The following UBN1 variants were observed in gnomAD, a reference collection of about 807,000 sequenced individuals.
UBN1 encodes ubinuclein 1, also known as ubinuclein-1.
A neutral mutation model predicts 108.5 loss-of-function variants in UBN1; 17 were observed. The ratio of observed to expected loss-of-function variants is 0.16; its 90% CI spans 0.11 to 0.24. The LOEUF is 0.24. Among genes scored for constraint, UBN1 ranks in the 10% least tolerant of loss-of-function variants. The probability of loss-of-function intolerance (pLI) is 1.00; values close to 1 mark genes in which losing one functional copy is unlikely to be tolerated. For synonymous variants in UBN1, 726 were observed against 564.2 expected (o/e 1.29, Z -4.07); for missense variants, 1,595 against 1,394.4 (o/e 1.14, Z -2.29).
At chr16:4,870,375 G>A (rs764651652) in intron 9 of UBN1, 34 bp downstream of exon 9, 7 of 1,612,780 alleles carry the variant, frequency 4.3e-6, no homozygotes, top group Admixed American at 3.3e-5. Context: ...CTTTGGCTTT[G>A]GGGTCCTGGC....
chr16:4,861,631 C>G (rs2087068557), intron 7 of UBN1, among the ~76,000 whole-genome samples: 1 of 152,218 alleles, frequency 6.6e-6, no homozygotes, highest in African/African-American at 2.4e-5. Context: ...ATTTTAAATG[C>G]TGTCCATGTC....
intron 9 of UBN1, 50 bp downstream of exon 9, chr16:4,870,391 G>T (rs752882810): frequency 6.2e-7 from 1 of 1,611,562 alleles, no homozygotes; most frequent in Non-Finnish European, 8.5e-7. Flanking sequence ...CTGGCGGAGG[G>T]GTGACTGAGT....
chr16:4,859,432 T>A (rs1378370413), intron 5 of UBN1, among the ~76,000 whole-genome samples: 1 of 151,940 alleles, frequency 6.6e-6, no homozygotes, highest in Non-Finnish European at 1.5e-5. Context: ...GGCCTCAGGG[T>A]GGGAAGGCTG....
chr16:4,875,574 G>A, intron 15 of UBN1, 140 bp downstream of exon 15: 1 of 1,276,544 alleles, frequency 7.8e-7, no homozygotes, highest in Non-Finnish European at 1.1e-6. Context: ...TAGGAAGGGA[G>A]ACTGGGCTCC....
chr16:4,868,931 C>G, intron 8 of UBN1, 28 bp downstream of exon 8: 1 of 1,611,570 alleles, frequency 6.2e-7, no homozygotes, highest in Non-Finnish European at 8.5e-7. Flanking sequence ...GTCTGTCTGT[C>G]TGTCTGTTTC....
Position 4,874,423 on chromosome 16 carries a change from C to T in UBN1, c.2013C>T (p.Ser671=). The change falls in exon 15 of 18, where the codon TCC becomes TCT. Residue 671 remains serine, a synonymous_variant. Coordinates refer to ENST00000262376, the MANE Select transcript of UBN1 (RefSeq NM_001079514.3). ...AAGACTTGATCCGCAATCCAGCCTC[C>T]TCGGTGGAAGCCGTGTCCAAGGAAT... ...LDEDLIRNPA[S]SVEAVSKELA... The T allele has an allele frequency of 6.2e-7, 1 of 1,614,082 alleles. No homozygotes were observed. The highest frequency in any genetic ancestry group is 8.5e-7 in the Non-Finnish European group (1 of 1,179,990).
intron 10 of UBN1, 36 bp from the exon 11 acceptor site, chr16:4,870,808 A>T (rs1477095651): frequency 2.5e-6 from 4 of 1,611,518 alleles, no homozygotes; most frequent in Non-Finnish European, 2.5e-6. Context: ...GGGCAGGAGC[A>T]CCTTGGGGCC....
At position 4,860,657 on chromosome 16, in the gene UBN1, C is replaced by G; in HGVS notation, c.672-7C>G. 1 of 1,605,506 alleles carries G rather than the reference C, an allele frequency of 6.2e-7. No homozygotes were observed. On this transcript the variant is annotated splice_polypyrimidine_tract_variant and splice_region_variant and intron_variant, in intron 6 of 17. Transcript: ENST00000262376. ...GTCTGAGTGACCAGTTTCCCTCTTGCTTGCAGCTTCACAGCCCTCAATGCC... is the reference window on the plus strand; with the variant it reads ...GTCTGAGTGACCAGTTTCCCTCTTGGTTGCAGCTTCACAGCCCTCAATGCC...
intron 17 of UBN1, 99 bp from the exon 18 acceptor site, chr16:4,879,984 T>C: frequency 1.5e-6 from 2 of 1,307,806 alleles, no homozygotes; most frequent in Non-Finnish European, 2.2e-6. Flanking sequence ...TGGGGACTTT[T>C]GCTATTTAGG....
intron 13 of UBN1, 32 bp from the exon 14 acceptor site, chr16:4,872,999 C>G: frequency 1.2e-6 from 2 of 1,614,196 alleles, no homozygotes; most frequent in Non-Finnish European, 1.7e-6. Flanking sequence ...TGGATATTCT[C>G]TAAACTTTTC....
chr16:4,849,706 C>G (rs1479622034), intron 1 of UBN1, among the ~76,000 whole-genome samples: 1 of 151,738 alleles, frequency 6.6e-6, no homozygotes, highest in Non-Finnish European at 1.5e-5. Context: ...CATCCTCCCA[C>G]CTCAGCCTCC....
rs1260422457 is a variant in UBN1 at position 4,860,980 on chromosome 16, C to T, written c.988C>T (p.Arg330Ter). ...LSESPEGSPFRDMDDGSDSLG... is the reference protein window; with the variant it reads ...LSESPEGSPF The stretch of plus-strand genomic sequence containing the variant: ...TGAGTCTCCAGAAGGAAGTCCCTTC[C>T]GAGATATGGATGATGGAAGTGATTC... Residue 330 changes from arginine (R) to a stop codon, truncating the protein, a stop_gained, in exon 7 of 18, where the codon CGA (arginine) becomes TGA (stop). Transcript: ENST00000262376. LOFTEE classifies it high-confidence loss of function. 1.2e-6 allele frequency: 2 copies of T among 1,614,236 alleles called. No homozygotes were observed. Among genetic ancestry groups the T allele is most frequent in the Non-Finnish European group, 1.7e-6 (2 of 1,180,046 alleles).
At chr16:4,869,837 G>T (rs1567934435) in intron 8 of UBN1, among the ~76,000 whole-genome samples, 1 of 151,964 alleles carries the variant, frequency 6.6e-6, no homozygotes, top group Non-Finnish European at 1.5e-5. Context: ...GGGACTGGGG[G>T]AAAAAAAAGA....
At chr16:4,856,882 A>G (rs1410440350) in intron 2 of UBN1, among the ~76,000 whole-genome samples, 1 of 152,244 alleles carries the variant, frequency 6.6e-6, no homozygotes, top group Non-Finnish European at 1.5e-5. Context: ...TTGTATGTGT[A>G]CACCACAAAT....
chr16:4,858,944 C>CA, intron 4 of UBN1, 81 bp from the exon 5 acceptor site: 1 of 1,536,450 alleles, frequency 6.5e-7, no homozygotes, highest in Non-Finnish European at 8.8e-7. Flanking sequence ...GGAGCACAGT[C>CA]ACATCTCTCT....
rs1233909143 is a variant in UBN1 at position 4,847,927 on chromosome 16, TCTC to T, written c.-320_-318del. On this transcript the variant is annotated 5_prime_UTR_variant, in exon 1 of 18. Coordinates refer to ENST00000262376, the MANE Select transcript of UBN1 (RefSeq NM_001079514.3). ...GAGCGCGGGGTCCCGCGCCGCAAGT[TCTC>T]CTGGGGCGACCGGAGGCTGCTCCCC... The T allele has an allele frequency of 1.3e-5, 2 of 152,254 alleles. No homozygotes were observed. Among genetic ancestry groups the T allele is most frequent in the Non-Finnish European group, 2.9e-5 (2 of 68,122 alleles). The allele number at this position is 152,254 out of a possible 1,614,324, so 9.4% of individuals were successfully genotyped here. A position where few individuals can be genotyped will look rare whatever the true frequency, so the allele number is the denominator to read the frequency against.
chr16:4,870,302 C>T lies in UBN1; in HGVS notation c.1272C>T (p.Ala424=), dbSNP rs1446389023. 1.9e-6 allele frequency: 3 copies of T among 1,614,034 alleles called. No homozygotes were observed. Among genetic ancestry groups the T allele is most frequent in the East Asian group, 2.2e-5 (1 of 44,878 alleles). ...LASFLPCSKD[A]LLKRARKLHL... is the part of the protein sequence containing the mutation. ...CATTCCTGCCCTGCAGCAAGGATGC[C>T]CTGCTCAAGCGTGCTCGGAAACTTC... is the stretch of plus-strand genomic sequence containing the variant. The change falls in exon 9 of 18, where the codon GCC becomes GCT. Residue 424 remains alanine (A), a synonymous_variant. Coordinates refer to ENST00000262376, the MANE Select transcript of UBN1 (RefSeq NM_001079514.3).
intron 15 of UBN1, 40 bp downstream of exon 15, chr16:4,875,474 A>G (rs765395510): frequency 3.2e-6 from 5 of 1,568,980 alleles, no homozygotes; most frequent in Non-Finnish European, 4.3e-6. Flanking sequence ...CCCCACTCAC[A>G]GGGGCCTTGG....
intron 7 of UBN1, 126 bp downstream of exon 7, chr16:4,861,228 T>C: frequency 1.8e-6 from 2 of 1,097,972 alleles, no homozygotes; most frequent in Non-Finnish European, 2.5e-6. Flanking sequence ...GTCAGCTTTT[T>C]CCAAACCCTA....
Sources: gnomAD v4.1 joint callset for allele counts (sites outside exome capture counted in the v4.1 genomes callset) on GRCh38, gnomAD v4.1.1 for gene constraint, MANE v1.5 for transcripts, NCBI Gene and HGNC (gene_info 2026-07-23, HGNC 2026-07-21) for gene names.